The following SGCZ variants were observed in gnomAD, a reference collection of about 807,000 sequenced individuals.
SGCZ encodes the protein zeta-sarcoglycan.
Under a neutral mutation model 41.3 loss-of-function variants are expected in SGCZ, and 40 were observed. The ratio of observed to expected loss-of-function variants is 0.97; its 90% CI spans 0.75 to 1.26. The LOEUF is 1.26. Ranked by LOEUF, SGCZ falls within the 50% of genes most tolerant of loss-of-function variation. SGCZ has a pLI of 0.00. For missense variants in SGCZ, 552 were observed against 369.8 expected, an observed-to-expected ratio of 1.49 and a Z score of -4.04; for synonymous variants, 206 against 137.5, an observed-to-expected ratio of 1.50 and a Z score of -3.49.
chr8:14,387,740 T>C (rs993774515), intron 2 of SGCZ, among the ~76,000 whole-genome samples: 5 of 151,998 alleles, frequency 3.3e-5, no homozygotes, highest in African/African-American at 9.7e-5. Context: ...TTTAAAAATA[T>C]ATAATTTTAT....
rs1379237265 is a variant in SGCZ, at chr8:14,880,178, C to T, written c.40-325252G>A. 5.3e-5 allele frequency among the ~76,000 whole-genome samples: 8 copies of T among 152,124 alleles called. No homozygotes were observed. In the East Asian group the frequency reaches 1.5e-3, roughly 29 times the overall value. On this transcript the variant is annotated intron_variant, in intron 1 of 7. Coordinates refer to ENST00000382080, the MANE Select transcript of SGCZ (RefSeq NM_139167.4). ...ATTTAACTCAGGCATTAATTTGCTC[C>T]TGTATGGCATTCTACTCTACTAATT... is the stretch of plus-strand genomic sequence containing the variant.
chr8:15,013,245 T>C (rs981056503), intron 1 of SGCZ, among the ~76,000 whole-genome samples: 4 of 152,312 alleles, frequency 2.6e-5, no homozygotes, highest in African/African-American at 9.6e-5. Flanking sequence ...TACATTTCTC[T>C]CTGGCTGTAC....
At chr8:14,166,511 C>T (rs1056129521) in intron 4 of SGCZ, among the ~76,000 whole-genome samples, 1 of 152,136 alleles carries the variant, frequency 6.6e-6, no homozygotes, top group Admixed American at 6.6e-5. Context: ...CACATTAACC[C>T]TGAACTGCCT....
intron 1 of SGCZ, among the ~76,000 whole-genome samples, chr8:14,724,742 A>G (rs1809998100): frequency 6.6e-6 from 1 of 151,960 alleles, no homozygotes; most frequent in Admixed American, 6.6e-5. Context: ...GTATATATTT[A>G]TGGGATACAT....
Position 15,237,535 on chromosome 8 carries a change from G to A in SGCZ, c.39+50C>T, listed in dbSNP as rs775162040. ...GGAGCCGCGGGAAGGAGAGGGGAGAGCAGGGAGCGCCGAGAAGCGGCCGCG... is the reference window on the plus strand; with the variant it reads ...GGAGCCGCGGGAAGGAGAGGGGAGAACAGGGAGCGCCGAGAAGCGGCCGCG... On this transcript the variant is annotated intron_variant, in intron 1 of 7. Coordinates refer to ENST00000382080, the MANE Select transcript of SGCZ (RefSeq NM_139167.4). 3.2e-6 allele frequency: 5 copies of A among 1,566,142 alleles called. No homozygotes were observed. The South Asian group carries it at 3.5e-5, about 11-fold the overall frequency.
At chr8:14,903,050 T>C (rs548295810) in intron 1 of SGCZ, among the ~76,000 whole-genome samples, 1 of 152,278 alleles carries the variant, frequency 6.6e-6, no homozygotes, top group East Asian at 1.9e-4. Flanking sequence ...CTTCTCTTGC[T>C]CCTGAGACGA....
intron 1 of SGCZ, among the ~76,000 whole-genome samples, chr8:15,022,460 C>G (rs1803289238): frequency 6.6e-6 from 1 of 152,254 alleles, no homozygotes; most frequent in Admixed American, 6.5e-5. Flanking sequence ...TCTCCTACTT[C>G]AGCCTCCAGA....
At position 14,564,949 on chromosome 8, in the gene SGCZ, G is replaced by T. The variant is rs1252214462; in HGVS notation, c.40-10023C>A. On this transcript the variant is annotated intron_variant, in intron 1 of 7. Coordinates refer to ENST00000382080, the MANE Select transcript of SGCZ (RefSeq NM_139167.4). Reference sequence around the variant, plus strand: ...TGCTGTATAAGAAAAACGGCCATTTGGAGTGGATTTTTTTTTTCTACTTGG... The same window carrying T: ...TGCTGTATAAGAAAAACGGCCATTTTGAGTGGATTTTTTTTTTCTACTTGG... Among the ~76,000 whole-genome samples the T allele has an allele frequency of 2.0e-5, 3 of 152,124 alleles. No homozygotes were observed. In the East Asian group the frequency reaches 5.8e-4, roughly 29 times the overall value.
intron 2 of SGCZ, among the ~76,000 whole-genome samples, chr8:14,492,487 T>C (rs1209353591): frequency 6.6e-6 from 1 of 152,208 alleles, no homozygotes; most frequent in African/African-American, 2.4e-5. Context: ...CCTGTTTATT[T>C]CAGTGCTTAC....
At position 14,221,965 on chromosome 8, in the gene SGCZ, G is replaced by GA. The variant is rs567576583; in HGVS notation, c.424+15626dup. ...GACACAGTGAGACTCTGTCTCAAAAGAAAAAAAAAAAGTGGAAGTGGGGTC... is the reference window on the plus strand; with the variant it reads ...GACACAGTGAGACTCTGTCTCAAAAGAAAAAAAAAAAAGTGGAAGTGGGGTC... On this transcript the variant is annotated intron_variant, in intron 4 of 7. Coordinates refer to ENST00000382080, the MANE Select transcript of SGCZ (RefSeq NM_139167.4). Among the ~76,000 whole-genome samples the GA allele has an allele frequency of 1.9e-3, 255 of 135,338 alleles. 2 individuals are homozygous for GA. The highest frequency in any genetic ancestry group is 4.6e-3 in the African/African-American group (169 of 37,046). The allele number at this position is 135,338 out of a possible 152,430, so 88.8% of individuals were successfully genotyped here.
chr8:14,912,826 C>T (rs1029958783), intron 1 of SGCZ, among the ~76,000 whole-genome samples: 1 of 152,078 alleles, frequency 6.6e-6, no homozygotes, highest in African/African-American at 2.4e-5. Context: ...AAATGAAATA[C>T]ATCTTTCTAT....
At chr8:15,164,601 C>G (rs546157742) in intron 1 of SGCZ, among the ~76,000 whole-genome samples, 45 of 148,876 alleles carry the variant, frequency 3.0e-4, no homozygotes, top group Middle Eastern at 3.5e-3. Context: ...TTTTTTTTTT[C>G]CTCTTCTCCA....
intron 3 of SGCZ, among the ~76,000 whole-genome samples, chr8:14,320,875 G>C (rs1157910636): frequency 1.3e-5 from 2 of 152,010 alleles, no homozygotes; most frequent in Non-Finnish European, 2.9e-5. Context: ...TCAGATAAGA[G>C]GTTCTGAAGA....
At chr8:14,451,397 T>C (rs1024571266) in intron 2 of SGCZ, among the ~76,000 whole-genome samples, 3 of 152,120 alleles carry the variant, frequency 2.0e-5, no homozygotes, top group African/African-American at 7.2e-5. Context: ...TGTTACTGAG[T>C]GGAAATTTCA....
intron 1 of SGCZ, among the ~76,000 whole-genome samples, chr8:14,745,380 G>GC (rs1335559596): frequency 3.9e-5 from 6 of 152,096 alleles, no homozygotes; most frequent in Non-Finnish European, 7.4e-5. Context: ...TTGATCTGTT[G>GC]CCAGGAGCCT....
In SGCZ at chr8:14,498,309, T is replaced by C. The variant is rs529444781; in HGVS notation, c.234+56423A>G. Among the ~76,000 whole-genome samples the C allele has an allele frequency of 1.1e-4, 17 of 152,266 alleles. 1 individual carries two copies. Among genetic ancestry groups the C allele is most frequent in the African/African-American group, 4.1e-4 (17 of 41,576 alleles). Reference sequence around the variant, plus strand: ...TGGAATTTTTTGGTTTAGTAAATCTTTTATTAAAGTGTAACAACACACCAC... The same window carrying C: ...TGGAATTTTTTGGTTTAGTAAATCTCTTATTAAAGTGTAACAACACACCAC... On this transcript the variant is annotated intron_variant, in intron 2 of 7. Coordinates refer to ENST00000382080, the MANE Select transcript of SGCZ (RefSeq NM_139167.4).
intron 4 of SGCZ, among the ~76,000 whole-genome samples, chr8:14,170,098 A>G (rs987848438): frequency 2.7e-5 from 4 of 149,064 alleles, no homozygotes; most frequent in South Asian, 4.2e-4. Context: ...TTGAGTTTTC[A>G]TATATTATTC....
chr8:14,535,365 T>C (rs1207682616), intron 2 of SGCZ, among the ~76,000 whole-genome samples: 1 of 151,580 alleles, frequency 6.6e-6, no homozygotes, highest in African/African-American at 2.4e-5. Flanking sequence ...TGACTAAAAA[T>C]GCATCTAAGA....
intron 4 of SGCZ, among the ~76,000 whole-genome samples, chr8:14,214,304 T>C (rs1032796424): frequency 1.3e-5 from 2 of 152,128 alleles, no homozygotes; most frequent in South Asian, 2.1e-4. Context: ...TGTGCAACTA[T>C]CATAACCAAG....
Sources: gnomAD v4.1 joint callset for allele counts (sites outside exome capture counted in the v4.1 genomes callset) on GRCh38, gnomAD v4.1.1 for gene constraint, MANE v1.5 for transcripts, NCBI Gene and HGNC (gene_info 2026-07-23, HGNC 2026-07-21) for gene names.